SGCZ: variants seen among roughly 807,000 people sequenced by gnomAD.
The protein encoded by SGCZ is zeta-sarcoglycan.
In SGCZ, 40 loss-of-function variants were observed where a neutral mutation model predicts 41.3. The observed-to-expected ratio is 0.97, with a 90% CI of 0.75 to 1.26. The LOEUF (loss-of-function observed/expected upper bound fraction) is 1.26. SGCZ is among the 50% of genes most tolerant of loss of function. The probability of loss-of-function intolerance (pLI) is 0.00; values close to 1 mark genes in which losing one functional copy is unlikely to be tolerated. For synonymous variants in SGCZ, 206 were observed against 137.5 expected, an observed-to-expected ratio of 1.50 and a Z score of -3.49; for missense variants, 552 against 369.8, an observed-to-expected ratio of 1.49 and a Z score of -4.04.
chr8:14,466,122 T>C (rs1801042722), intron 2 of SGCZ, among the ~76,000 whole-genome samples: 1 of 151,978 alleles, frequency 6.6e-6, no homozygotes, highest in South Asian at 2.1e-4. Flanking sequence ...ATAGAATCCC[T>C]TGAGCATTTC....
At chr8:14,227,694 A>G (rs1026882850) in intron 4 of SGCZ, among the ~76,000 whole-genome samples, 12 of 152,168 alleles carry the variant, frequency 7.9e-5, no homozygotes, top group African/African-American at 1.9e-4. Flanking sequence ...ATTATGAAAT[A>G]TATGTTGTCA....
At chr8:14,899,722 G>A (rs1798898496) in intron 1 of SGCZ, among the ~76,000 whole-genome samples, 1 of 151,990 alleles carries the variant, frequency 6.6e-6, no homozygotes, top group East Asian at 1.9e-4. Flanking sequence ...GAGGAGGGTA[G>A]AAGAATATAC....
intron 2 of SGCZ, among the ~76,000 whole-genome samples, chr8:14,492,648 T>C (rs7018156): frequency 0.066 from 10,000 of 152,204 alleles, 576 homozygotes; most frequent in African/African-American, 0.15. Context: ...CTAGTACAAG[T>C]ACTGATCTCA....
At chr8:14,207,266 A>T (rs1393668158) in intron 4 of SGCZ, among the ~76,000 whole-genome samples, 1 of 143,394 alleles carries the variant, frequency 7.0e-6, no homozygotes, top group Non-Finnish European at 1.5e-5. Flanking sequence ...AAATGTAACA[A>T]TTTGATAAAC....
At chr8:14,325,833 C>G (rs1187713706) in intron 2 of SGCZ, among the ~76,000 whole-genome samples, 1 of 142,974 alleles carries the variant, frequency 7.0e-6, no homozygotes, top group African/African-American at 2.6e-5. Context: ...GACGTGGGCC[C>G]GGCGCGGTGG....
intron 1 of SGCZ, among the ~76,000 whole-genome samples, chr8:15,172,164 T>TATTTATTTATTTTATTTTA (rs10643012): frequency 2.8e-5 from 3 of 108,566 alleles, no homozygotes; most frequent in African/African-American, 9.8e-5. Context: ...GTTTTTTTTT[T>TATTTATTTATTTTATTTTA]TTTTTTTTTT....
At chr8:15,185,577 T>A (rs1800308196) in intron 1 of SGCZ, among the ~76,000 whole-genome samples, 1 of 152,152 alleles carries the variant, frequency 6.6e-6, no homozygotes, top group African/African-American at 2.4e-5. Context: ...CATGACTTCT[T>A]CAAGAAGGGC....
chr8:14,363,213 C>G (rs1803589376), intron 2 of SGCZ, among the ~76,000 whole-genome samples: 1 of 152,046 alleles, frequency 6.6e-6, no homozygotes, highest in African/African-American at 2.4e-5. Context: ...TATAATGACA[C>G]TTTGAAATAC....
At chr8:14,588,093 T>A (rs982593448) in intron 1 of SGCZ, among the ~76,000 whole-genome samples, 1 of 152,124 alleles carries the variant, frequency 6.6e-6, no homozygotes, top group Non-Finnish European at 1.5e-5. Flanking sequence ...CTAGAGATCA[T>A]TAATTCAGAC....
intron 1 of SGCZ, among the ~76,000 whole-genome samples, chr8:14,734,416 T>C (rs888330879): frequency 5.9e-5 from 9 of 152,192 alleles, no homozygotes; most frequent in Non-Finnish European, 7.4e-5. Context: ...AGTGCTATGA[T>C]ACAAATTCAC....
chr8:15,038,795 G>A, intron 1 of SGCZ, among the ~76,000 whole-genome samples: 1 of 125,082 alleles, frequency 8.0e-6, no homozygotes, highest in Non-Finnish European at 1.6e-5. Flanking sequence ...ATGGGCAAAG[G>A]ACCTGAACTG....
At chr8:15,159,149 C>G (rs1799422907) in intron 1 of SGCZ, among the ~76,000 whole-genome samples, 1 of 151,986 alleles carries the variant, frequency 6.6e-6, no homozygotes, top group South Asian at 2.1e-4. Context: ...ATCAGTCATG[C>G]CTAGGTAATG....
chr8:15,097,856 ACGTGTGTGTGT>A (rs1806424758), intron 1 of SGCZ, among the ~76,000 whole-genome samples: 1 of 5,992 alleles, frequency 1.7e-4, no homozygotes, highest in Admixed American at 2.2e-3. Context: ...ATATATATAT[ACGTGTGTGTGT>A]ATATATATAT....
chr8:14,721,414 G>A (rs1809882974), intron 1 of SGCZ, among the ~76,000 whole-genome samples: 1 of 152,070 alleles, frequency 6.6e-6, no homozygotes, highest in African/African-American at 2.4e-5. Flanking sequence ...CTGAAAACCT[G>A]ATCCTTCTGT....
At chr8:14,235,847 A>G (rs1416600224) in intron 4 of SGCZ, among the ~76,000 whole-genome samples, 1 of 151,996 alleles carries the variant, frequency 6.6e-6, no homozygotes, top group Non-Finnish European at 1.5e-5. Context: ...ACCATGCCCA[A>G]ATAATTTTTG....
intron 1 of SGCZ, among the ~76,000 whole-genome samples, chr8:15,215,865 T>C (rs1018383258): frequency 6.6e-6 from 1 of 152,182 alleles, no homozygotes; most frequent in Non-Finnish European, 1.5e-5. Context: ...AACAAAGATA[T>C]AATGTGATGA....
intron 4 of SGCZ, among the ~76,000 whole-genome samples, chr8:14,219,573 C>G (rs1241971095): frequency 6.6e-6 from 1 of 151,998 alleles, no homozygotes; most frequent in East Asian, 1.9e-4. Context: ...ATGATGAAAC[C>G]CCGTCTCTAC....
chr8:15,014,725 T>C (rs1432687761), intron 1 of SGCZ, among the ~76,000 whole-genome samples: 1 of 152,350 alleles, frequency 6.6e-6, no homozygotes, highest in African/African-American at 2.4e-5. Context: ...GGTGTTTCCA[T>C]GACCAGGAGT....
At chr8:15,228,487 C>A (rs4415316) in intron 1 of SGCZ, among the ~76,000 whole-genome samples, 151,688 of 152,338 alleles carry the variant, frequency 1, 75,524 homozygotes, top group Middle Eastern at 1. Context: ...AGAACAAGCA[C>A]CTGATGAAAA....
Sources: allele counts gnomAD v4.1 joint callset (sites outside exome capture counted in the v4.1 genomes callset), GRCh38; gene constraint gnomAD v4.1.1; transcripts MANE v1.5; gene names NCBI Gene and HGNC (gene_info 2026-07-23, HGNC 2026-07-21).